The following GRIK2 variants were observed in gnomAD, a reference collection of about 807,000 sequenced individuals.
GRIK2 encodes the protein glutamate receptor ionotropic, kainate 2.
GRIK2 carries 32 observed loss-of-function variants against 100.3 expected under a neutral mutation model. The observed-to-expected ratio is 0.32, with a 90% CI of 0.24 to 0.43. The LOEUF is 0.43. Ranked by LOEUF, GRIK2 falls within the 20% of genes least tolerant of loss-of-function variation. The probability of loss-of-function intolerance (pLI) is 1.00; values close to 1 mark genes in which losing one functional copy is unlikely to be tolerated. For synonymous variants in GRIK2, 417 were observed against 389.4 expected (o/e 1.07, Z -0.83); for missense variants, 843 against 1,114.9 (o/e 0.76, Z 3.47).
At chr6:101,874,284 G>A (rs1338777687) in intron 11 of GRIK2, among the ~76,000 whole-genome samples, 2 of 152,080 alleles carry the variant, frequency 1.3e-5, no homozygotes, top group Non-Finnish European at 2.9e-5. Context: ...TAAGGTGTAA[G>A]GAAGGGATCC....
chr6:101,494,081 ATGT>A (rs1381471027), intron 2 of GRIK2, among the ~76,000 whole-genome samples: 1 of 148,450 alleles, frequency 6.7e-6, no homozygotes, highest in Non-Finnish European at 1.5e-5. Context: ...CAATTTATAA[ATGT>A]TATTTATATA....
At chr6:101,909,799 TA>T (rs1788542801) in intron 12 of GRIK2, among the ~76,000 whole-genome samples, 1 of 151,230 alleles carries the variant, frequency 6.6e-6, no homozygotes, top group Non-Finnish European at 1.5e-5. Context: ...AATAGATATA[TA>T]TAGATTAATT....
intron 2 of GRIK2, among the ~76,000 whole-genome samples, chr6:101,452,751 G>C (rs1259903725): frequency 1.3e-5 from 2 of 151,360 alleles, no homozygotes. Flanking sequence ...GCTTTCTTGT[G>C]TTTTAAAAAA....
At position 101,624,873 on chromosome 6, in the gene GRIK2, A is replaced by G. The variant is rs528457644; in HGVS notation, c.284-1507A>G. 2.0e-5 allele frequency among the ~76,000 whole-genome samples: 3 copies of G among 152,266 alleles called. No homozygotes were observed. In the East Asian group the frequency reaches 5.8e-4, roughly 29 times the overall value. ...CAGCCTGCCAAGTAGCTAGGACTAT[A>G]GGCACACAGCACCATGCCCAGCTGA... On this transcript the variant is annotated intron_variant, in intron 3 of 16. Transcript: ENST00000369134.
At chr6:102,030,970 A>G (rs1236893312) in intron 14 of GRIK2, among the ~76,000 whole-genome samples, 8 of 150,810 alleles carry the variant, frequency 5.3e-5, no homozygotes, top group Non-Finnish European at 1.2e-4. Context: ...ATCTTCTTTC[A>G]GTTTTTTCCT....
chr6:101,412,002 T>C (rs188117553), intron 2 of GRIK2, among the ~76,000 whole-genome samples: 32 of 152,200 alleles, frequency 2.1e-4, no homozygotes, highest in African/African-American at 7.7e-4. Flanking sequence ...ATTCCAACTT[T>C]TCAGTTGCCA....
At chr6:101,729,841 T>A (rs757797963) in intron 7 of GRIK2, among the ~76,000 whole-genome samples, 2 of 151,964 alleles carry the variant, frequency 1.3e-5, no homozygotes, top group Non-Finnish European at 1.5e-5. Context: ...AATAGAACAT[T>A]TGGACTTTTT....
At chr6:101,415,669 C>T (rs947107140) in intron 2 of GRIK2, among the ~76,000 whole-genome samples, 11 of 151,660 alleles carry the variant, frequency 7.3e-5, no homozygotes, top group Admixed American at 2.0e-4. Flanking sequence ...CGCGCCCGGC[C>T]GTATTTTTCC....
intron 11 of GRIK2, among the ~76,000 whole-genome samples, chr6:101,882,003 A>C (rs895128344): frequency 6.6e-6 from 1 of 152,114 alleles, no homozygotes; most frequent in Non-Finnish European, 1.5e-5. Flanking sequence ...TCATGGGGGA[A>C]GGCAAAAGGC....
chr6:101,626,468 T>C lies in GRIK2; in HGVS notation c.372T>C (p.Ala124=). 1.2e-6 allele frequency: 2 copies of C among 1,613,874 alleles called. No individual in the cohort carries two copies. The highest frequency in any genetic ancestry group is 1.7e-6 in the Non-Finnish European group (2 of 1,179,820). ...ACGCAGTGCAGTCCATCTGCAATGC[T>C]CTGGGAGTTCCCCACATACAGACCC... ...SANAVQSICN[A]LGVPHIQTRW... is the part of the protein sequence containing the mutation. Residue 124 remains alanine (A), a synonymous_variant, in exon 4 of 17, where the codon GCT becomes GCC. Transcript: ENST00000369134.
chr6:101,906,378 G>GTGTGTGTGTGTGTGTGTGTT, intron 12 of GRIK2, among the ~76,000 whole-genome samples: 1 of 151,582 alleles, frequency 6.6e-6, no homozygotes, highest in South Asian at 2.1e-4. Context: ...GTGTGTGTGT[G>GTGTGTGTGTGTGTGTGTGTT]TGTGTGTTTG....
At chr6:101,708,399 A>G (rs1037169367) in intron 7 of GRIK2, among the ~76,000 whole-genome samples, 7 of 151,716 alleles carry the variant, frequency 4.6e-5, no homozygotes, top group African/African-American at 1.7e-4. Context: ...TAAAATATAT[A>G]AAGTTGGATG....
chr6:101,748,719 A>G (rs975486341), intron 7 of GRIK2, among the ~76,000 whole-genome samples: 1 of 152,284 alleles, frequency 6.6e-6, no homozygotes, highest in East Asian at 1.9e-4. Flanking sequence ...CGCCAGGACA[A>G]TTGTCTCCAG....
At chr6:102,005,935 C>A (rs1795196679) in intron 14 of GRIK2, among the ~76,000 whole-genome samples, 1 of 152,174 alleles carries the variant, frequency 6.6e-6, no homozygotes, top group East Asian at 1.9e-4. Context: ...CTCTCTTCTG[C>A]ATGCACACGT....
intron 7 of GRIK2, among the ~76,000 whole-genome samples, chr6:101,709,467 A>G (rs1211319296): frequency 2.0e-5 from 3 of 151,966 alleles, no homozygotes; most frequent in African/African-American, 7.2e-5. Context: ...GAAAAGTAAA[A>G]TTACAAAGAT....
chr6:101,429,651 A>G (rs1266444519), intron 2 of GRIK2, among the ~76,000 whole-genome samples: 2 of 151,894 alleles, frequency 1.3e-5, no homozygotes, highest in African/African-American at 4.8e-5. Flanking sequence ...AATGTAACAG[A>G]CTTCCTGAAA....
chr6:102,059,099 G>C (rs1468723459), intron 16 of GRIK2, among the ~76,000 whole-genome samples: 1 of 151,086 alleles, frequency 6.6e-6, no homozygotes, highest in African/African-American at 2.4e-5. Flanking sequence ...GTTGGATAAA[G>C]ATTAATATGC....
At chr6:101,842,083 A>G (rs955605710) in intron 10 of GRIK2, among the ~76,000 whole-genome samples, 1 of 152,212 alleles carries the variant, frequency 6.6e-6, no homozygotes, top group Non-Finnish European at 1.5e-5. Context: ...ATTATATAAC[A>G]TCATTCCTGG....
chr6:101,945,241 G>A (rs1480976893), intron 14 of GRIK2, among the ~76,000 whole-genome samples: 1 of 152,016 alleles, frequency 6.6e-6, no homozygotes. Context: ...TTTAGTGTCT[G>A]AATTGAGATA....
Sources: gnomAD v4.1 joint callset for allele counts (sites outside exome capture counted in the v4.1 genomes callset) on GRCh38, gnomAD v4.1.1 for gene constraint, MANE v1.5 for transcripts, NCBI Gene and HGNC (gene_info 2026-07-23, HGNC 2026-07-21) for gene names.